ARHGAP18: variants seen among roughly 807,000 people sequenced by gnomAD.
ARHGAP18 encodes the protein rho GTPase-activating protein 18.
Under a neutral mutation model 86.2 loss-of-function variants are expected in ARHGAP18, and 67 were observed. That is an observed-to-expected ratio of 0.78 (90% CI 0.64 to 0.95). ARHGAP18 has a LOEUF of 0.95. ARHGAP18 is among the 40% of genes least tolerant of loss of function. ARHGAP18 has a pLI of 0.00. For missense variants in ARHGAP18, 691 were observed against 780.4 expected (o/e 0.89, Z 1.37); for synonymous variants, 283 against 280.4 (o/e 1.01, Z -0.09).
rs753338183 is a variant in ARHGAP18 at position 129,584,124 on chromosome 6, TA to T, written c.1714-13del. ...TGAGGAACGTCAGCCTGCAAAGCAA[TA>T]ATGACACTGGAACAAAGCTGGCAGC... On this transcript the variant is annotated splice_polypyrimidine_tract_variant and intron_variant, in intron 12 of 14. Coordinates refer to ENST00000368149, the MANE Select transcript of ARHGAP18 (RefSeq NM_033515.3). The T allele has an allele frequency of 2.7e-5, 43 of 1,613,336 alleles. No individual in the cohort carries two copies. The Admixed American group carries it at 7.2e-4, about 27-fold the overall frequency.
At chr6:129,672,235 G>A (rs1774154862) in intron 1 of ARHGAP18, among the ~76,000 whole-genome samples, 1 of 152,124 alleles carries the variant, frequency 6.6e-6, no homozygotes, top group African/African-American at 2.4e-5. Context: ...TCTGAATTGT[G>A]TGTGCCAACC....
chr6:129,665,244 T>C (rs1774015357), intron 1 of ARHGAP18, among the ~76,000 whole-genome samples: 1 of 152,184 alleles, frequency 6.6e-6, no homozygotes, highest in Non-Finnish European at 1.5e-5. Context: ...CAAATCCTAT[T>C]TTTAATAATC....
chr6:129,580,067 T>C lies in ARHGAP18; in HGVS notation c.1900+3A>G, dbSNP rs754993303. 10 of 1,611,314 alleles carry C rather than the reference T, an allele frequency of 6.2e-6. No homozygotes were observed. The East Asian group carries it at 1.1e-4, about 18-fold the overall frequency. On this transcript the variant is annotated splice_donor_region_variant and intron_variant, in intron 14 of 14. Coordinates refer to ENST00000368149, the MANE Select transcript of ARHGAP18 (RefSeq NM_033515.3). The stretch of plus-strand genomic sequence containing the variant: ...AAATGTAAAGAGAAAAAAAAGTGCT[T>C]ACCAATATTTCCTCCAATTTCATAC...
chr6:129,676,151 G>A (rs141365300), intron 1 of ARHGAP18, among the ~76,000 whole-genome samples: 12 of 152,332 alleles, frequency 7.9e-5, no homozygotes, highest in African/African-American at 2.6e-4. Flanking sequence ...AATGAGGAGA[G>A]CTGCTAACTG....
chr6:129,612,831 G>A (rs896765623), intron 7 of ARHGAP18, among the ~76,000 whole-genome samples: 7 of 152,172 alleles, frequency 4.6e-5, no homozygotes, highest in Admixed American at 1.3e-4. Flanking sequence ...TGATATTGAG[G>A]AAGTCAGTAA....
At chr6:129,650,892 G>A (rs1037536119) in intron 1 of ARHGAP18, among the ~76,000 whole-genome samples, 2 of 152,056 alleles carry the variant, frequency 1.3e-5, no homozygotes, top group Non-Finnish European at 2.9e-5. Flanking sequence ...ACCTTTCTCT[G>A]TGGGGCTGGA....
intron 3 of ARHGAP18, 40 bp downstream of exon 3, chr6:129,638,354 C>T: frequency 6.4e-7 from 1 of 1,553,518 alleles, no homozygotes; most frequent in South Asian, 1.1e-5. Context: ...TAATTGTAAG[C>T]AATTATTCCT....
chr6:129,581,512 T>C (rs1253822983), intron 13 of ARHGAP18, among the ~76,000 whole-genome samples: 1 of 152,194 alleles, frequency 6.6e-6, no homozygotes, highest in Non-Finnish European at 1.5e-5. Context: ...TTCAGGAGAC[T>C]TGATTTAAAG....
rs1373786684 is a variant in ARHGAP18 at position 129,618,761 on chromosome 6, A to AT, written c.877dup (p.Ile293AsnfsTer2). Reference sequence around the variant, plus strand: ...TACATCATAGAGGGCAGTCAGCTCAATTAGGGCTAAATGGCAAACTTTCTT... The same window carrying AT: ...TACATCATAGAGGGCAGTCAGCTCAATTTAGGGCTAAATGGCAAACTTTCTT... On this transcript the variant is annotated frameshift_variant, in exon 6 of 15. Transcript: ENST00000368149. LOFTEE classifies it high-confidence loss of function. 1 of 1,613,782 alleles carries AT rather than the reference A, an allele frequency of 6.2e-7. No homozygotes were observed. The highest frequency in any genetic ancestry group is 1.1e-5 in the South Asian group (1 of 91,070).
chr6:129,709,948 A>T, intron 1 of ARHGAP18, 76 bp downstream of exon 1: 1 of 1,227,902 alleles, frequency 8.1e-7, no homozygotes, highest in South Asian at 1.3e-5. Flanking sequence ...CCTTCTCCCC[A>T]CGCCAACTTC....
At chr6:129,648,223 G>A (rs1275983123) in intron 1 of ARHGAP18, among the ~76,000 whole-genome samples, 1 of 151,454 alleles carries the variant, frequency 6.6e-6, no homozygotes, top group Non-Finnish European at 1.5e-5. Context: ...CCAGGCTGAA[G>A]TGCAGTCCAC....
At chr6:129,653,436 G>T (rs921404366) in intron 1 of ARHGAP18, among the ~76,000 whole-genome samples, 2 of 152,180 alleles carry the variant, frequency 1.3e-5, no homozygotes, top group African/African-American at 4.8e-5. Flanking sequence ...TGCTCCACTG[G>T]TAAGTATAGA....
Position 129,590,197 on chromosome 6 carries a change from A to G in ARHGAP18, c.1714-6085T>C, listed in dbSNP as rs1313257701. On this transcript the variant is annotated intron_variant, in intron 12 of 14. Transcript: ENST00000368149. The stretch of plus-strand genomic sequence containing the variant: ...ACAATATTTTGCATCCTTTAATCCA[A>G]TCAAGTTGACCCTCAATATTGAGTG... Among the ~76,000 whole-genome samples the G allele has an allele frequency of 2.6e-5, 4 of 152,142 alleles. No individual in the cohort carries two copies. In the South Asian group the frequency reaches 8.3e-4, roughly 32 times the overall value.
At chr6:129,652,836 C>T (rs1773742792) in intron 1 of ARHGAP18, among the ~76,000 whole-genome samples, 1 of 152,120 alleles carries the variant, frequency 6.6e-6, no homozygotes. Flanking sequence ...TAACAAAATA[C>T]TTGTTGACAT....
chr6:129,632,197 C>T (rs1425129285), intron 4 of ARHGAP18, among the ~76,000 whole-genome samples: 2 of 152,174 alleles, frequency 1.3e-5, no homozygotes, highest in Non-Finnish European at 2.9e-5. Context: ...AGTGAAAGAG[C>T]ATGGCATTGC....
chr6:129,659,459 T>TTATTA (rs1773906168), intron 1 of ARHGAP18, among the ~76,000 whole-genome samples: 2 of 55,732 alleles, frequency 3.6e-5, no homozygotes, highest in South Asian at 1.0e-3. Context: ...AGAATTTTTT[T>TTATTA]TATTTTATTT....
chr6:129,634,206 T>A (rs1773282554), intron 3 of ARHGAP18, 101 bp from the exon 4 acceptor site: 2 of 943,822 alleles, frequency 2.1e-6, no homozygotes, highest in Non-Finnish European at 3.3e-6. Context: ...ACAAGACATG[T>A]ACTCAGAATT....
chr6:129,625,186 T>TG (rs1789349064), intron 5 of ARHGAP18, among the ~76,000 whole-genome samples: 1 of 44,650 alleles, frequency 2.2e-5, no homozygotes, highest in African/African-American at 1.1e-4. Context: ...TATTATATAT[T>TG]ATATATGATA....
chr6:129,677,392 CAAAA>C (rs112446982), intron 1 of ARHGAP18, among the ~76,000 whole-genome samples: 1 of 139,334 alleles, frequency 7.2e-6, no homozygotes, highest in African/African-American at 2.6e-5. Context: ...GACTCCGTCT[CAAAA>C]AAAAAAAAAA....
Sources: gnomAD v4.1 joint callset for allele counts (sites outside exome capture counted in the v4.1 genomes callset) on GRCh38, gnomAD v4.1.1 for gene constraint, MANE v1.5 for transcripts, NCBI Gene and HGNC (gene_info 2026-07-23, HGNC 2026-07-21) for gene names.